Variants in WNK2 observed in about 807,000 individuals in gnomAD.
WNK2 encodes WNK lysine deficient protein kinase 2.
Under a neutral mutation model 192.1 loss-of-function variants are expected in WNK2, and 67 were observed. The observed-to-expected ratio is 0.35, with a 90% CI of 0.29 to 0.43. The LOEUF (loss-of-function observed/expected upper bound fraction) is 0.43. Ranked by LOEUF, WNK2 falls within the 20% of genes least tolerant of loss-of-function variation. The pLI is 1.00. For missense variants in WNK2, 2,698 were observed against 3,089.7 expected, an observed-to-expected ratio of 0.87 and a Z score of 3.01; for synonymous variants, 1,439 against 1,393.9, an observed-to-expected ratio of 1.03 and a Z score of -0.72.
At chr9:93,204,883 C>A (rs954910989) in intron 2 of WNK2, among the ~76,000 whole-genome samples, 10 of 152,190 alleles carry the variant, frequency 6.6e-5, no homozygotes, top group Admixed American at 2.0e-4. Context: ...CTTGGACTGA[C>A]CCTGTCCTGC....
rs749458426 is a variant in WNK2 at position 93,259,643 on chromosome 9, C to T, written c.3066+29C>T. On this transcript the variant is annotated intron_variant, in intron 12 of 29. Transcript: ENST00000427277. This position sits in a 1 kb window ranked among gnomAD's most constrained non-coding sequence, Gnocchi z 4.8. ...ATCACCTGCTGGGCAGGGGCTCACC[C>T]TCCCAGCGTCTGGGGACCCTCAGGA... 2 of 1,512,670 alleles carry T rather than the reference C, an allele frequency of 1.3e-6. No individual in the cohort carries two copies. The highest frequency in any genetic ancestry group is 2.6e-5 in the South Asian group (2 of 76,558). The allele number at this position is 1,512,670 out of a possible 1,614,324, so 93.7% of individuals were successfully genotyped here. A position where few individuals can be genotyped will look rare whatever the true frequency, so the allele number is the denominator to read the frequency against.
intron 19 of WNK2, among the ~76,000 whole-genome samples, chr9:93,286,764 T>G (rs1303578124): frequency 1.3e-5 from 2 of 152,226 alleles, no homozygotes; most frequent in Non-Finnish European, 2.9e-5. Flanking sequence ...ACAACCTAAG[T>G]GTCTTCACAG....
At chr9:93,240,150 C>T (rs751007214) in intron 7 of WNK2, among the ~76,000 whole-genome samples, 174 bp downstream of exon 7, 5 of 152,114 alleles carry the variant, frequency 3.3e-5, no homozygotes, top group Non-Finnish European at 7.4e-5. Flanking sequence ...AGCCTGGCCA[C>T]GTCTGCCTAG....
At chr9:93,208,505 C>T (rs1021876169) in intron 2 of WNK2, among the ~76,000 whole-genome samples, 3 of 151,206 alleles carry the variant, frequency 2.0e-5, no homozygotes, top group African/African-American at 7.3e-5. Flanking sequence ...TGTGTGTTCT[C>T]CACGTGTACA....
At position 93,248,114 on chromosome 9, in the gene WNK2, C is replaced by A. The variant is rs563677865; in HGVS notation, c.1834+280C>A. On this transcript the variant is annotated intron_variant, in intron 8 of 29. Transcript: ENST00000427277. ...TCTGCCAGCACCTTTGGTGCCAGGG[C>A]ATGTCGGGAACTTCATAAGAGAGCA... Among the ~76,000 whole-genome samples, 4 of 152,344 alleles carry A rather than the reference C, an allele frequency of 2.6e-5. No homozygotes were observed. The East Asian group carries it at 7.7e-4, about 29-fold the overall frequency.
chr9:93,193,264 G>A (rs1830653928), intron 2 of WNK2, among the ~76,000 whole-genome samples: 1 of 152,248 alleles, frequency 6.6e-6, no homozygotes, highest in African/African-American at 2.4e-5. Context: ...GGCCATGGGA[G>A]GGCACCTGTT....
chr9:93,288,749 A>C (rs1564172897), intron 19 of WNK2, 39 bp from the exon 20 acceptor site: 1 of 1,556,478 alleles, frequency 6.4e-7, no homozygotes. Context: ...ATAGGACTGG[A>C]GTACCCTGGT....
chr9:93,195,699 C>CAAAAAAAAAA (rs59357990), intron 2 of WNK2, among the ~76,000 whole-genome samples: 611 of 41,632 alleles, frequency 0.015, 36 homozygotes, highest in Middle Eastern at 0.034. Flanking sequence ...GACTTTGTCT[C>CAAAAAAAAAA]AAAAAAAAAA....
chr9:93,268,817 G>A, intron 19 of WNK2, 71 bp downstream of exon 19: 1 of 1,579,574 alleles, frequency 6.3e-7, no homozygotes, highest in East Asian at 2.4e-5. Context: ...GCATGACCCA[G>A]CCGGTATGTG....
intron 2 of WNK2, among the ~76,000 whole-genome samples, chr9:93,221,759 G>T (rs1415352523): frequency 6.6e-6 from 1 of 152,168 alleles, no homozygotes; most frequent in African/African-American, 2.4e-5. Context: ...GGGAAGTGTG[G>T]CAGGGCAGTC....
intron 16 of WNK2, 77 bp downstream of exon 16, chr9:93,264,110 C>A: frequency 8.8e-7 from 1 of 1,131,528 alleles, no homozygotes; most frequent in Non-Finnish European, 1.3e-6. Flanking sequence ...CCACAGGTCA[C>A]ATGTCGAGCC....
chr9:93,220,505 G>A (rs1836657562), intron 2 of WNK2, among the ~76,000 whole-genome samples: 1 of 152,160 alleles, frequency 6.6e-6, no homozygotes, highest in South Asian at 2.1e-4. Context: ...GCCCAGTGAG[G>A]TAGAGTTGAT....
chr9:93,217,236 C>T (rs1038979821), intron 2 of WNK2, among the ~76,000 whole-genome samples: 8 of 152,186 alleles, frequency 5.3e-5, no homozygotes, highest in African/African-American at 9.6e-5. Context: ...GGATTACAGG[C>T]GAAAGCCACC....
chr9:93,302,068 G>C (rs985821155), intron 26 of WNK2, among the ~76,000 whole-genome samples: 1 of 152,230 alleles, frequency 6.6e-6, no homozygotes, highest in Non-Finnish European at 1.5e-5. Context: ...CCCCTGGGCT[G>C]TGGAGGCTGG....
At chr9:93,312,274 C>T (rs998822411) in intron 28 of WNK2, among the ~76,000 whole-genome samples, 1 of 152,222 alleles carries the variant, frequency 6.6e-6, no homozygotes, top group African/African-American at 2.4e-5. Context: ...CCCAAGAAAT[C>T]ACTGCCAAAT....
Position 93,289,999 on chromosome 9 carries a change from C to A in WNK2, c.4888C>A (p.Pro1630Thr). The A allele has an allele frequency of 6.3e-7, 1 of 1,577,946 alleles. No individual in the cohort carries two copies. Among genetic ancestry groups the A allele is most frequent in the East Asian group, 2.3e-5 (1 of 43,224 alleles). The change falls in exon 21 of 30, where the codon CCC becomes ACC. Residue 1630 changes from proline (P) to threonine (T), a missense_variant. By Grantham distance (38) the Pro-to-Thr change is conservative (BLOSUM62 -1). Coordinates refer to ENST00000427277, the MANE Select transcript of WNK2 (RefSeq NM_006648.4). ...QPLVEKSELA[P>T]TRGAVMEQGT... ...CCAGGTGGAGAAGTCAGAACTGGCCCCCACTCGAGGGGCCGTGATGGAGCA... is the reference window on the plus strand; with the variant it reads ...CCAGGTGGAGAAGTCAGAACTGGCCACCACTCGAGGGGCCGTGATGGAGCA...
chr9:93,211,546 TCACTCACTCACTCATC>T (rs1397424187), intron 2 of WNK2, among the ~76,000 whole-genome samples: 1 of 138,926 alleles, frequency 7.2e-6, no homozygotes, highest in East Asian at 2.2e-4. Flanking sequence ...ACTCATCCAT[TCACTCACTCACTCATC>T]CACTCACACA....
At chr9:93,312,835 C>T (rs952969078) in intron 28 of WNK2, among the ~76,000 whole-genome samples, 1 of 152,246 alleles carries the variant, frequency 6.6e-6, no homozygotes, top group African/African-American at 2.4e-5. Flanking sequence ...CTGTGACTCC[C>T]GTAATGTTTT....
In WNK2 at chr9:93,184,957, G is replaced by C. The variant is rs1200556186; in HGVS notation, c.28G>C (p.Val10Leu). MDGDGGRRDVPGTLMEPGRG... is the reference protein window; with the variant it reads MDGDGGRRDLPGTLMEPGRG... The stretch of plus-strand genomic sequence containing the variant: ...GGACGGCGATGGCGGCCGCCGAGAC[G>C]TCCCCGGCACGCTGATGGAGCCCGG... The change falls in exon 2 of 30, where the codon GTC (valine) becomes CTC (leucine). Residue 10 changes from valine (V) to leucine (L), a missense_variant. Transcript: ENST00000427277. The C allele has an allele frequency of 3.2e-6, 4 of 1,231,238 alleles. No homozygotes were observed. Among genetic ancestry groups the C allele is most frequent in the Non-Finnish European group, 4.0e-6 (4 of 988,928 alleles). 76.3% of individuals were successfully genotyped at this position (1,231,238 alleles called of 1,614,324 possible).
Sources: gnomAD v4.1 joint callset for allele counts (sites outside exome capture counted in the v4.1 genomes callset) on GRCh38, gnomAD v4.1.1 for gene constraint, Gnocchi (gnomAD v3.1) non-coding constraint, MANE v1.5 for transcripts, NCBI Gene and HGNC (gene_info 2026-07-23, HGNC 2026-07-21) for gene names.